The following TRPC4AP variants were observed in gnomAD, a reference collection of about 807,000 sequenced individuals.
The protein encoded by TRPC4AP is transient receptor potential cation channel subfamily C member 4 associated protein, also known as short transient receptor potential channel 4-associated protein.
A neutral mutation model predicts 99.0 loss-of-function variants in TRPC4AP; 45 were observed. That is an observed-to-expected ratio of 0.45 (90% CI 0.36 to 0.58). The LOEUF is 0.58. TRPC4AP is among the 20% of genes least tolerant of loss of function. TRPC4AP has a pLI of 0.00. For synonymous variants in TRPC4AP, 408 were observed against 385.8 expected (o/e 1.06, Z -0.67); for missense variants, 879 against 985.3 (o/e 0.89, Z 1.44).
rs1258638235 is a variant in TRPC4AP at position 35,044,596 on chromosome 20, T to C, written c.774A>G (p.Thr258=). The change falls in exon 7 of 19, where the codon ACA becomes ACG. Residue 258 remains threonine, a synonymous_variant. Transcript: ENST00000252015. ...GAAGCGTGTGCTTGTCATCATTCCC[T>C]GTATCCATCTCTGAAATGGTGACAG... ...ILAVTISEMD[T]GNDDKHTLLA... 4 of 1,614,042 alleles carry C rather than the reference T, an allele frequency of 2.5e-6. No individual in the cohort carries two copies. Among genetic ancestry groups the C allele is most frequent in the Middle Eastern group, 1.6e-4 (1 of 6,084 alleles).
chr20:35,016,576 TGA>T (rs2147285803), intron 9 of TRPC4AP, among the ~76,000 whole-genome samples: 1 of 152,042 alleles, frequency 6.6e-6, no homozygotes, highest in African/African-American at 2.4e-5. Context: ...AAATTTCAGC[TGA>T]AAGTAAGATA....
At chr20:35,090,597 C>G (rs2085030744) in intron 1 of TRPC4AP, among the ~76,000 whole-genome samples, 1 of 152,208 alleles carries the variant, frequency 6.6e-6, no homozygotes, top group Non-Finnish European at 1.5e-5. Context: ...TGGTCTCAAA[C>G]TCCTGACCTC....
At chr20:35,047,648 C>T (rs1449503538) in intron 6 of TRPC4AP, among the ~76,000 whole-genome samples, 1 of 152,104 alleles carries the variant, frequency 6.6e-6, no homozygotes, top group African/African-American at 2.4e-5. Context: ...TCACCAAGAA[C>T]GACCACCAGT....
chr20:35,052,409 G>C (rs543683804), intron 5 of TRPC4AP, among the ~76,000 whole-genome samples: 3 of 152,180 alleles, frequency 2.0e-5, no homozygotes, highest in East Asian at 3.9e-4. Flanking sequence ...ATAAGCTCTT[G>C]ACCTAGTATC....
At position 35,025,603 on chromosome 20, in the gene TRPC4AP, GTTTT is replaced by G. The variant is rs373722628; in HGVS notation, c.1052-4251_1052-4248del. Among the ~76,000 whole-genome samples, 351 of 152,048 alleles carry G rather than the reference GTTTT, an allele frequency of 2.3e-3. 2 individuals carry two copies. The highest frequency in any genetic ancestry group is 7.7e-3 in the African/African-American group (319 of 41,462). ...ATCCTTTGTCTATATTTTGAAATGG[GTTTT>G]TTTATTATTGTTATGAGAGTTCTTT... On this transcript the variant is annotated intron_variant, in intron 8 of 18. Transcript: ENST00000252015.
chr20:35,060,497 AG>A (rs1469429656), intron 3 of TRPC4AP, among the ~76,000 whole-genome samples: 1 of 146,158 alleles, frequency 6.8e-6, no homozygotes, highest in Middle Eastern at 3.3e-3. Flanking sequence ...AGGCCGAGAT[AG>A]GAGGCTCGCT....
chr20:35,035,810 C>T (rs944333851), intron 7 of TRPC4AP, among the ~76,000 whole-genome samples: 1 of 102,426 alleles, frequency 9.8e-6, no homozygotes, highest in Non-Finnish European at 1.9e-5. Flanking sequence ...TGACTCAAAA[C>T]AGCTGTTTAC....
intron 10 of TRPC4AP, among the ~76,000 whole-genome samples, chr20:35,013,882 TG>T (rs1436809492): frequency 3.9e-5 from 6 of 152,184 alleles, no homozygotes; most frequent in African/African-American, 1.4e-4. Context: ...GGCTCTGCCA[TG>T]GTGCTGCTGG....
intron 1 of TRPC4AP, among the ~76,000 whole-genome samples, chr20:35,079,862 A>AT (rs2084584708): frequency 6.7e-6 from 1 of 148,774 alleles, no homozygotes; most frequent in Non-Finnish European, 1.5e-5. Context: ...ACTAAAAATA[A>AT]AAAAAAAAAA....
intron 6 of TRPC4AP, among the ~76,000 whole-genome samples, chr20:35,045,988 A>G (rs1197439954): frequency 2.0e-5 from 3 of 152,180 alleles, no homozygotes; most frequent in Non-Finnish European, 4.4e-5. Context: ...TTTAATACAT[A>G]TTTAGGTAAA....
At chr20:35,065,928 C>T (rs2084132496) in intron 3 of TRPC4AP, among the ~76,000 whole-genome samples, 1 of 151,900 alleles carries the variant, frequency 6.6e-6, no homozygotes, top group Non-Finnish European at 1.5e-5. Context: ...TAAGTAAATG[C>T]CCTAGGACCA....
intron 1 of TRPC4AP, among the ~76,000 whole-genome samples, chr20:35,088,585 C>A (rs571009101): frequency 6.6e-6 from 1 of 152,224 alleles, no homozygotes; most frequent in African/African-American, 2.4e-5. Context: ...ACACTGGCTA[C>A]GCTTTTAAAA....
At position 35,021,339 on chromosome 20, in the gene TRPC4AP, G is replaced by A. The variant is rs1306818193; in HGVS notation, c.1069C>T (p.Pro357Ser). 6 of 1,614,050 alleles carry A rather than the reference G, an allele frequency of 3.7e-6. No homozygotes were observed. The East Asian group carries it at 1.3e-4, about 36-fold the overall frequency. ...EHNQASIVFPPPGASEENGLP... is the reference protein window; with the variant it reads ...EHNQASIVFPSPGASEENGLP... ...CCATTCTCCTCAGAAGCCCCTGGAG[G>A]AGGGAACACAATGGAGGCTGACACA... Residue 357 changes from proline (P) to serine (S), a missense_variant, in exon 9 of 19, where the codon CCT becomes TCT. Physicochemically the swap from Pro to Ser is moderately conservative, Grantham distance 74 (BLOSUM62 -1). This residue lies in a region of TRPC4AP where 603 missense variants were observed against 631.8 expected (regional missense o/e 0.95). Transcript: ENST00000252015.
chr20:35,079,406 GTA>G lies in TRPC4AP; in HGVS notation c.169-1234_169-1233del, dbSNP rs1412520892. Among the ~76,000 whole-genome samples the G allele has an allele frequency of 2.0e-5, 3 of 152,154 alleles. No homozygotes were observed. The East Asian group carries it at 5.8e-4, about 29-fold the overall frequency. On this transcript the variant is annotated intron_variant, in intron 1 of 18. Transcript: ENST00000252015. Reference sequence around the variant, plus strand: ...GCGAAAGCAGTAATAAGCCAGAAGTGTATATCACTGAATGCATATAATAGAAA... The same window carrying G: ...GCGAAAGCAGTAATAAGCCAGAAGTGTATCACTGAATGCATATAATAGAAA...
At chr20:35,078,560 G>A (rs905740347) in intron 1 of TRPC4AP, among the ~76,000 whole-genome samples, 1 of 152,054 alleles carries the variant, frequency 6.6e-6, no homozygotes, top group Admixed American at 6.6e-5. Flanking sequence ...CCCATAAAAG[G>A]CAGAAAAAGA....
chr20:35,091,015 C>T (rs1016988780), intron 1 of TRPC4AP, among the ~76,000 whole-genome samples: 4 of 151,826 alleles, frequency 2.6e-5, no homozygotes, highest in Non-Finnish European at 5.9e-5. Context: ...GGTAAGGTAT[C>T]TTAGCTTAAG....
intron 8 of TRPC4AP, among the ~76,000 whole-genome samples, chr20:35,025,385 C>G (rs1425675091): frequency 6.6e-6 from 1 of 152,080 alleles, no homozygotes; most frequent in Non-Finnish European, 1.5e-5. Context: ...TGAGGTCTTG[C>G]TCTGTTGTTT....
Position 35,027,689 on chromosome 20 carries a change from T to C in TRPC4AP, c.1052-6333A>G, listed in dbSNP as rs370320579. 7.5e-4 allele frequency among the ~76,000 whole-genome samples: 115 copies of C among 152,344 alleles called. 1 individual carries two copies. In the South Asian group the frequency reaches 0.023, roughly 31 times the overall value. On this transcript the variant is annotated intron_variant, in intron 8 of 18. Coordinates refer to ENST00000252015, the MANE Select transcript of TRPC4AP (RefSeq NM_015638.3). ...GGGCAGTTTTTCATTATTTATTCAA[T>C]CTCGTTGTTATACTTCAGGTTTTCT...
At chr20:35,044,748 A>G in intron 6 of TRPC4AP, 36 bp from the exon 7 acceptor site, 1 of 1,602,310 alleles carries the variant, frequency 6.2e-7, no homozygotes, top group South Asian at 1.1e-5. Context: ...CCCCATGCTC[A>G]ATTCACTCAA....
Sources: allele counts gnomAD v4.1 joint callset (sites outside exome capture counted in the v4.1 genomes callset), GRCh38; gene constraint gnomAD v4.1.1; regional missense constraint gnomAD v4.1.1; transcripts MANE v1.5; gene names NCBI Gene and HGNC (gene_info 2026-07-23, HGNC 2026-07-21).